The following CPSF4L variants were observed in gnomAD, a reference collection of about 807,000 sequenced individuals.
CPSF4L encodes the protein cleavage and polyadenylation specific factor 4 like, also known as putative cleavage and polyadenylation specificity factor subunit 4-like protein.
CPSF4L carries 18 observed loss-of-function variants against 24.0 expected under a neutral mutation model. The observed-to-expected ratio is 0.75, with a 90% confidence interval of 0.52 to 1.11. The LOEUF (loss-of-function observed/expected upper bound fraction) is 1.11, where lower values mean the gene tolerates loss of function less well. Ranked by LOEUF, CPSF4L falls within the 50% of genes least tolerant of loss-of-function variation. The pLI, the probability that CPSF4L is intolerant of heterozygous loss-of-function variation, is 0.00. For synonymous variants in CPSF4L, 72 were observed against 77.2 expected (o/e 0.93, Z 0.35); for missense variants, 211 against 221.8 (o/e 0.95, Z 0.31).
At chr17:73,250,216 C>A in intron 5 of CPSF4L, 1 of 1,544,280 alleles carries the variant, frequency 6.5e-7, no homozygotes, top group Admixed American at 2.0e-5. Flanking sequence ...GACCATTGAG[C>A]ATCTTCTCCT....
At chr17:73,260,505 G>A (rs748801437) in intron 2 of CPSF4L, among the ~76,000 whole-genome samples, 6 of 152,210 alleles carry the variant, frequency 3.9e-5, no homozygotes, top group Non-Finnish European at 7.4e-5. Context: ...GGTGGCTCAC[G>A]CCTGTAATCC....
intron 4 of CPSF4L, among the ~76,000 whole-genome samples, chr17:73,253,404 G>C (rs2062012865): frequency 6.6e-6 from 1 of 152,172 alleles, no homozygotes; most frequent in African/African-American, 2.4e-5. Flanking sequence ...CCCCCGCCCA[G>C]ATCCCTAAAA....
chr17:73,245,520 C>T, downstream of CPSF4L: 1 of 985,324 alleles, frequency 1.0e-6, no homozygotes, highest in Non-Finnish European at 1.2e-6. Context: ...ATTAAGAAGT[C>T]ACTTCTCAGT....
At chr17:73,250,793 AG>A (rs1370035475) in intron 5 of CPSF4L, among the ~76,000 whole-genome samples, 1 of 152,234 alleles carries the variant, frequency 6.6e-6, no homozygotes, top group African/African-American at 2.4e-5. Context: ...TTCCTTTTGC[AG>A]GAACAGTCTT....
chr17:73,257,778 G>A lies in CPSF4L; in HGVS notation c.210C>T (p.His70=), dbSNP rs750675924. The A allele has an allele frequency of 4.3e-5, 67 of 1,551,566 alleles. No individual in the cohort carries two copies. The highest frequency in any genetic ancestry group is 5.6e-5 in the Non-Finnish European group (64 of 1,146,998). ...CCTTCTTGCAGAGCCCCCGGAGCCA[G>A]TGCTTGCATACCACCATCTTCTCCC... ...DRGEKMVVCK[H]WLRGLCKKGD... is the part of the protein sequence containing the mutation. The change falls in exon 3 of 6, where the codon CAC becomes CAT. Residue 70 remains histidine (H), a synonymous_variant. Transcript: ENST00000344935.
chr17:73,250,840 A>G, intron 5 of CPSF4L: 1 of 617,152 alleles, frequency 1.6e-6, no homozygotes, highest in Non-Finnish European at 2.6e-6. Context: ...GGTTTACAGT[A>G]TCCTCTCATT....
the CPSF4L span, chr17:73,242,354 G>A: frequency 3.2e-3 from 4,928 of 1,555,068 alleles, 28 homozygotes; most frequent in Admixed American, 5.2e-3. Flanking sequence ...ACAAAAAGGT[G>A]AGGCTGGAGT....
chr17:73,263,596 G>C (rs1357508873), upstream of CPSF4L, among the ~76,000 whole-genome samples: 1 of 151,768 alleles, frequency 6.6e-6, no homozygotes, highest in Non-Finnish European at 1.5e-5. Context: ...GCAGAAGCGG[G>C]GGTAAAGAGG....
chr17:73,252,720 G>A lies in CPSF4L; in HGVS notation c.407C>T (p.Pro136Leu). ...GGGGACATGGCGGTATTTACACAGA[G>A]GACCTGCTGAGCAAAGAGAAAGTGA... Reference protein sequence around the residue: ...WYDQGFCKDGPLCKYRHVPRI... With the variant: ...WYDQGFCKDGLLCKYRHVPRI... The change falls in exon 5 of 6, where the codon CCT becomes CTT. Residue 136 changes from proline (P) to leucine (L), a missense_variant. Pro to Leu is a moderately conservative substitution (Grantham distance 98). Coordinates refer to ENST00000344935, the MANE Select transcript of CPSF4L (RefSeq NM_001129885.1). The A allele has an allele frequency of 1.3e-6, 2 of 1,547,022 alleles. No individual in the cohort carries two copies. Among genetic ancestry groups the A allele is most frequent in the Non-Finnish European group, 1.7e-6 (2 of 1,143,956 alleles).
At chr17:73,249,578 G>T (rs1190708196) in intron 5 of CPSF4L, among the ~76,000 whole-genome samples, 2 of 152,048 alleles carry the variant, frequency 1.3e-5, no homozygotes, top group African/African-American at 4.8e-5. Context: ...CAAGGTGGGG[G>T]GCCAGTTCTT....
At chr17:73,263,048 G>A (rs1415870264), upstream of CPSF4L, among the ~76,000 whole-genome samples, 1 of 152,210 alleles carries the variant, frequency 6.6e-6, no homozygotes, top group African/African-American at 2.4e-5. Context: ...CTGCATCCTG[G>A]GAGAGGCAGA....
chr17:73,252,548 A>G (rs2062009717), intron 5 of CPSF4L, 82 bp downstream of exon 5: 3 of 843,236 alleles, frequency 3.6e-6, no homozygotes, highest in South Asian at 2.9e-5. Flanking sequence ...ACTAAGGACC[A>G]GCGAAGGTAT....
downstream of CPSF4L, chr17:73,245,272 A>T (rs2061933790): frequency 6.5e-7 from 1 of 1,539,694 alleles, no homozygotes; most frequent in Non-Finnish European, 8.8e-7. Context: ...TTAACAGTTT[A>T]AAAATGTATA....
chr17:73,261,428 A>G (rs368157750), intron 1 of CPSF4L, among the ~76,000 whole-genome samples: 137 of 152,126 alleles, frequency 9.0e-4, no homozygotes, highest in African/African-American at 2.7e-3. Flanking sequence ...TTGGGAGGCC[A>G]AGGCGGGCGG....
chr17:73,242,191 G>A, the CPSF4L span: 1 of 1,227,128 alleles, frequency 8.1e-7, no homozygotes, highest in Non-Finnish European at 1.2e-6. Context: ...GGATGTTAGG[G>A]AAGGGGGTAC....
chr17:73,249,292 G>T (rs928857821), intron 5 of CPSF4L, among the ~76,000 whole-genome samples: 3 of 152,168 alleles, frequency 2.0e-5, no homozygotes, highest in Non-Finnish European at 4.4e-5. Flanking sequence ...GGCTTGCTTT[G>T]TGCCGAGTGC....
chr17:73,256,586 T>C (rs538042054), intron 3 of CPSF4L, among the ~76,000 whole-genome samples: 18 of 152,362 alleles, frequency 1.2e-4, no homozygotes, highest in Non-Finnish European at 2.1e-4. Context: ...CTGGACTAGA[T>C]AATCCGTAAG....
At chr17:73,244,734 A>T (rs1176596123), downstream of CPSF4L, 5 of 154,142 alleles carry the variant, frequency 3.2e-5, no homozygotes, top group African/African-American at 1.2e-4. Context: ...TTTGATGCTA[A>T]TTGGGATTCG....
chr17:73,252,682 G>C lies in CPSF4L; in HGVS notation c.445C>G (p.Leu149Val), dbSNP rs752417718. The change falls in exon 5 of 6, where the codon CTC (leucine) becomes GTC (valine). Residue 149 changes from leucine (L) to valine (V), a missense_variant. Coordinates refer to ENST00000344935, the MANE Select transcript of CPSF4L (RefSeq NM_001129885.1). ...KYRHVPRIMC[L>V]NYLVGFCPEG... ...GGGCAGAAGCCAACTAAATAGTTGA[G>C]ACACATTATTCTGGGGACATGGCGG... 18 of 1,551,574 alleles carry C rather than the reference G, an allele frequency of 1.2e-5. No homozygotes were observed. Among genetic ancestry groups the C allele is most frequent in the Non-Finnish European group, 1.6e-5 (18 of 1,146,912 alleles).
Sources: gnomAD v4.1 joint callset for allele counts (sites outside exome capture counted in the v4.1 genomes callset) on GRCh38, gnomAD v4.1.1 for gene constraint, MANE v1.5 for transcripts, NCBI Gene and HGNC (gene_info 2026-07-23, HGNC 2026-07-21) for gene names.